Variants in NUP133 observed in about 807,000 individuals in gnomAD.
The protein encoded by NUP133 is nucleoporin 133.
Under a neutral mutation model 146.2 loss-of-function variants are expected in NUP133, and 66 were observed. That is an observed-to-expected ratio of 0.45 (90% confidence interval 0.37 to 0.55). The LOEUF (loss-of-function observed/expected upper bound fraction) is 0.55, where lower values mean the gene tolerates loss of function less well. Ranked by LOEUF, NUP133 falls within the 20% of genes least tolerant of loss-of-function variation. The pLI is 0.00. For missense variants in NUP133, 1,277 were observed against 1,374.8 expected, an observed-to-expected ratio of 0.93 and a Z score of 1.12; for synonymous variants, 521 against 498.8, an observed-to-expected ratio of 1.04 and a Z score of -0.59.
At chr1:229,477,562 C>A in intron 13 of NUP133, 35 bp downstream of exon 13, 1 of 1,545,562 alleles carries the variant, frequency 6.5e-7, no homozygotes, top group South Asian at 1.2e-5. Flanking sequence ...AGAATATGTT[C>A]AAAACACACC....
intron 25 of NUP133, among the ~76,000 whole-genome samples, chr1:229,444,193 T>C (rs1402620688): frequency 6.6e-6 from 1 of 151,870 alleles, no homozygotes; most frequent in Non-Finnish European, 1.5e-5. Context: ...TAGCCAGACA[T>C]GGTGGTGCGT....
Position 229,496,012 on chromosome 1 carries a change from G to T in NUP133, c.855C>A (p.Ser285Arg). 1 of 1,604,010 alleles carries T rather than the reference G, an allele frequency of 6.2e-7. No individual in the cohort carries two copies. ...SSVLWDRERS[S>R]FYSLTSSNIS... Reference sequence around the variant, plus strand: ...TGTTTGAACTCGTCAGGCTATAAAAGCTTGATCTCTCTCTATCCCAGAGAA... The same window carrying T: ...TGTTTGAACTCGTCAGGCTATAAAATCTTGATCTCTCTCTATCCCAGAGAA... The change falls in exon 7 of 26, where the codon AGC becomes AGA. Residue 285 changes from serine (S) to arginine (R), a missense_variant. Coordinates refer to ENST00000261396, the MANE Select transcript of NUP133 (RefSeq NM_018230.3).
In NUP133 at chr1:229,498,286, A is replaced by G; in HGVS notation, c.669T>C (p.Ser223=). ...ACCGAATTAGTTGGCTTCCTGATGA[A>G]GACAAAATAAAACTTCCTCCCTGTG... is the stretch of plus-strand genomic sequence containing the variant. ...TAVQGGSFIL[S]SSGSQLIRLI... is the part of the protein sequence containing the mutation. Residue 223 remains serine (S), a synonymous_variant, in exon 6 of 26, where the codon TCT becomes TCC. Transcript: ENST00000261396. 2.5e-6 allele frequency: 4 copies of G among 1,587,448 alleles called. No homozygotes were observed. The highest frequency in any genetic ancestry group is 3.4e-6 in the Non-Finnish European group (4 of 1,171,440).
rs147303684 is a variant in NUP133, at chr1:229,493,477, G to C, written c.1046+2018C>G. ...TTATATGCGTGAGCCACCCAGCCCA[G>C]CTACTCACTGAAATTATAAGCCCAG... On this transcript the variant is annotated intron_variant, in intron 8 of 25. Coordinates refer to ENST00000261396, the MANE Select transcript of NUP133 (RefSeq NM_018230.3). 1.7e-3 allele frequency among the ~76,000 whole-genome samples: 255 copies of C among 152,316 alleles called. 2 individuals carry two copies. The highest frequency in any genetic ancestry group is 5.8e-3 in the African/African-American group (242 of 41,566).
intron 21 of NUP133, 142 bp from the exon 22 acceptor site, chr1:229,452,785 A>G: frequency 1.8e-6 from 1 of 571,388 alleles, no homozygotes; most frequent in East Asian, 2.9e-5. Flanking sequence ...CAATGATCTC[A>G]GAATGCTTTT....
At chr1:229,471,532 T>C (rs898106638) in intron 14 of NUP133, among the ~76,000 whole-genome samples, 5 of 152,138 alleles carry the variant, frequency 3.3e-5, no homozygotes, top group Admixed American at 2.0e-4. Context: ...CTAATGCTGC[T>C]GGGAGGGTGG....
At chr1:229,495,387 T>C (rs1330208693) in intron 8 of NUP133, 108 bp downstream of exon 8, 4 of 744,048 alleles carry the variant, frequency 5.4e-6, no homozygotes, top group Non-Finnish European at 9.1e-6. Flanking sequence ...TGAGACCCTG[T>C]CTCCAAAGAA....
intron 13 of NUP133, 79 bp downstream of exon 13, chr1:229,477,518 A>G: frequency 9.0e-7 from 1 of 1,110,784 alleles, no homozygotes; most frequent in South Asian, 2.5e-5. Flanking sequence ...AAGCTAAAAA[A>G]TATGCTTTAA....
At chr1:229,462,957 G>A (rs868640584) in intron 19 of NUP133, among the ~76,000 whole-genome samples, 2 of 152,130 alleles carry the variant, frequency 1.3e-5, no homozygotes, top group East Asian at 1.9e-4. Context: ...CTATGCTCCC[G>A]AGTATCTTCT....
rs996308018 is a variant in NUP133, at chr1:229,470,750, T to A, written c.1906A>T (p.Thr636Ser). The part of the protein sequence containing the change: ...SFPVRGTPMA[T>S]RLLLCEHAEK... Reference sequence around the variant, plus strand: ...GCATGCTCACAGAGCAACAGTCGAGTGGCCATCGGTGTCCCTCTAACTGGA... The same window carrying A: ...GCATGCTCACAGAGCAACAGTCGAGAGGCCATCGGTGTCCCTCTAACTGGA... The change falls in exon 15 of 26, where the codon ACT (threonine) becomes TCT (serine). Residue 636 changes from threonine to serine, a missense_variant. Physicochemically the swap from Thr to Ser is moderately conservative, Grantham distance 58. This residue lies in a region of NUP133 where 952 missense variants were observed against 1,047.0 expected (regional missense o/e 0.91). Transcript: ENST00000261396. The A allele has an allele frequency of 2.5e-6, 4 of 1,613,986 alleles. No individual in the cohort carries two copies. The Admixed American group carries it at 5.0e-5, about 20-fold the overall frequency.
rs897242716 is a variant in NUP133, at chr1:229,502,262, T to C, written c.302-160A>G. ...ATCAACACCAAAAACAATAGATCTA[T>C]TAACTCTGATAACCAACTTTAGAAA... On this transcript the variant is annotated intron_variant, in intron 2 of 25. Transcript: ENST00000261396. Among the ~76,000 whole-genome samples, 4 of 152,140 alleles carry C rather than the reference T, an allele frequency of 2.6e-5. No homozygotes were observed. In the East Asian group the frequency reaches 5.8e-4, roughly 22 times the overall value.
intron 12 of NUP133, among the ~76,000 whole-genome samples, chr1:229,483,757 C>T (rs1199480378): frequency 1.4e-5 from 2 of 147,176 alleles, no homozygotes; most frequent in Admixed American, 6.8e-5. Flanking sequence ...TAACGTTATA[C>T]GTAAAAGACC....
chr1:229,470,139 C>G (rs757443895), intron 15 of NUP133, among the ~76,000 whole-genome samples: 1 of 151,898 alleles, frequency 6.6e-6, no homozygotes, highest in Non-Finnish European at 1.5e-5. Flanking sequence ...AGTGGATCAC[C>G]TGAGGTCAGG....
chr1:229,507,672 T>C (rs1661979425), intron 1 of NUP133, among the ~76,000 whole-genome samples: 1 of 152,214 alleles, frequency 6.6e-6, no homozygotes, highest in Admixed American at 6.5e-5. Flanking sequence ...ATTATCACCA[T>C]CACCTTACAT....
At chr1:229,444,115 G>A (rs1660250835) in intron 25 of NUP133, among the ~76,000 whole-genome samples, 1 of 151,732 alleles carries the variant, frequency 6.6e-6, no homozygotes, top group South Asian at 2.1e-4. Context: ...GGCAGATCAC[G>A]AGGTCAGGAG....
intron 25 of NUP133, among the ~76,000 whole-genome samples, chr1:229,443,555 T>C (rs1286679248): frequency 6.6e-6 from 1 of 152,136 alleles, no homozygotes; most frequent in Non-Finnish European, 1.5e-5. Context: ...CTATGAAATA[T>C]AATGCAAGGT....
chr1:229,507,019 TGAG>T (rs1661961754), intron 1 of NUP133, among the ~76,000 whole-genome samples: 1 of 152,166 alleles, frequency 6.6e-6, no homozygotes, highest in African/African-American at 2.4e-5. Context: ...GAGAATTAAA[TGAG>T]AAGATGCACA....
intron 2 of NUP133, 102 bp from the exon 3 acceptor site, chr1:229,502,204 C>T (rs779993112): frequency 1.0e-5 from 8 of 774,334 alleles, no homozygotes; most frequent in Admixed American, 4.3e-5. Flanking sequence ...AAACGACTAC[C>T]TCACAACAAA....
intron 2 of NUP133, among the ~76,000 whole-genome samples, chr1:229,503,111 G>GA (rs199990435): frequency 7.9e-4 from 119 of 150,490 alleles, no homozygotes; most frequent in African/African-American, 2.6e-3. Context: ...ACCAAAAATA[G>GA]AAAAAAAAAT....
Sources: allele counts gnomAD v4.1 joint callset (sites outside exome capture counted in the v4.1 genomes callset), GRCh38; gene constraint gnomAD v4.1.1; regional missense constraint gnomAD v4.1.1; transcripts MANE v1.5; gene names NCBI Gene and HGNC (gene_info 2026-07-23, HGNC 2026-07-21).